Variants in LSP1 observed in about 807,000 individuals in gnomAD.
LSP1 encodes lymphocyte-specific protein 1.
LSP1 carries 32 observed loss-of-function variants against 49.3 expected under a neutral mutation model. The ratio of observed to expected loss-of-function variants is 0.65; its 90% CI spans 0.49 to 0.87. The LOEUF (loss-of-function observed/expected upper bound fraction) is 0.87, where lower values mean the gene tolerates loss of function less well. Among genes scored for constraint, LSP1 ranks in the 40% least tolerant of loss-of-function variants. The probability of loss-of-function intolerance (pLI) is 0.00; values close to 1 mark genes in which losing one functional copy is unlikely to be tolerated. For synonymous variants in LSP1, 179 were observed against 178.8 expected (o/e 1.00, Z -0.01); for missense variants, 428 against 442.6 (o/e 0.97, Z 0.30).
rs1007609338 is a variant in LSP1, at chr11:1,887,268, G to C, written c.884G>C (p.Ser295Thr). 4 of 1,595,256 alleles carry C rather than the reference G, an allele frequency of 2.5e-6. No homozygotes were observed. The highest frequency in any genetic ancestry group is 3.4e-6 in the Non-Finnish European group (4 of 1,169,882). ...DIVAGDMSKK[S>T]LWEQKGGSKT... Reference sequence around the variant, plus strand: ...GTGGCTGGAGACATGAGCAAGAAAAGCCTCTGGGAGCAGAAGGGAGGCTCC... The same window carrying C: ...GTGGCTGGAGACATGAGCAAGAAAACCCTCTGGGAGCAGAAGGGAGGCTCC... The change falls in exon 9 of 11, where the codon AGC becomes ACC. Residue 295 changes from serine to threonine, a missense_variant. By Grantham distance (58) the Ser-to-Thr change is moderately conservative. Coordinates refer to ENST00000311604, the MANE Select transcript of LSP1 (RefSeq NM_002339.3).
At chr11:1,889,320 C>G in intron 10 of LSP1, 1 of 709,048 alleles carries the variant, frequency 1.4e-6, no homozygotes, top group Non-Finnish European at 2.6e-6. Context: ...GTGCTCCCCA[C>G]CGCTGGGCCC....
At chr11:1,882,647 G>A (rs1159824287) in intron 3 of LSP1, among the ~76,000 whole-genome samples, 1 of 152,082 alleles carries the variant, frequency 6.6e-6, no homozygotes, top group Non-Finnish European at 1.5e-5. Context: ...CTTCCGTGGA[G>A]CCCAGCTCTG....
At chr11:1,878,571 T>A (rs926964353) in intron 1 of LSP1, among the ~76,000 whole-genome samples, 2 of 151,950 alleles carry the variant, frequency 1.3e-5, no homozygotes, top group African/African-American at 4.8e-5. Flanking sequence ...CTCGGGCCTG[T>A]GGAAGGGCCT....
intron 1 of LSP1, among the ~76,000 whole-genome samples, chr11:1,858,227 C>G (rs766789451): frequency 1.3e-5 from 2 of 152,140 alleles, no homozygotes; most frequent in African/African-American, 4.8e-5. Context: ...CTGTGGGGTT[C>G]GGGTGCTGAG....
chr11:1,868,157 G>A (rs959116328), intron 1 of LSP1, among the ~76,000 whole-genome samples: 2 of 152,240 alleles, frequency 1.3e-5, no homozygotes, highest in South Asian at 2.1e-4. Flanking sequence ...AACTCCAGAC[G>A]TCACCCGGAC....
intron 1 of LSP1, among the ~76,000 whole-genome samples, chr11:1,864,638 G>A (rs973573905): frequency 1.3e-5 from 2 of 152,104 alleles, no homozygotes; most frequent in Non-Finnish European, 2.9e-5. Flanking sequence ...GGAGGCGGGA[G>A]GAGAAGGGGG....
chr11:1,860,623 T>C (rs1847606213), intron 1 of LSP1, among the ~76,000 whole-genome samples: 1 of 152,194 alleles, frequency 6.6e-6, no homozygotes, highest in African/African-American at 2.4e-5. Context: ...TAACAAAGCA[T>C]GTGGTACAAA....
chr11:1,879,654 C>T (rs565023112), intron 1 of LSP1, among the ~76,000 whole-genome samples: 16 of 152,324 alleles, frequency 1.1e-4, no homozygotes, highest in South Asian at 4.1e-4. Context: ...CGGTGGGCTG[C>T]GGCCAGTCTC....
At chr11:1,861,292 C>T (rs188680880) in intron 1 of LSP1, among the ~76,000 whole-genome samples, 2 of 152,356 alleles carry the variant, frequency 1.3e-5, no homozygotes, top group African/African-American at 4.8e-5. Context: ...TATTTTCTGT[C>T]ATATTTTCCA....
chr11:1,874,450 CAG>C (rs1436087894), intron 1 of LSP1, among the ~76,000 whole-genome samples: 2 of 152,086 alleles, frequency 1.3e-5, no homozygotes, highest in African/African-American at 2.4e-5. Context: ...TGGGTGAGAA[CAG>C]AGGGTGGCTG....
chr11:1,865,347 T>TC, intron 1 of LSP1: 1 of 581,936 alleles, frequency 1.7e-6, no homozygotes, highest in Non-Finnish European at 2.2e-6. Context: ...CCACTGGGCC[T>TC]CCCCCCAGCT....
Position 1,881,495 on chromosome 11 carries a change from C to T in LSP1, c.255C>T (p.Ser85=). 5.1e-6 allele frequency: 8 copies of T among 1,575,436 alleles called. No individual in the cohort carries two copies. Among genetic ancestry groups the T allele is most frequent in the Non-Finnish European group, 6.9e-6 (8 of 1,159,826 alleles). Residue 85 remains serine (S), a synonymous_variant, in exon 3 of 11, where the codon TCC becomes TCT. Coordinates refer to ENST00000311604, the MANE Select transcript of LSP1 (RefSeq NM_002339.3). ...AGGACGAGGGCTTTGGCGACTGGTC[C>T]CAGAGGCCAGAGCAGCGGCAGCAGC... ...LDEDEGFGDW[S]QRPEQRQQHE... is the part of the protein sequence containing the mutation.
At chr11:1,861,232 C>G (rs201624899) in intron 1 of LSP1, among the ~76,000 whole-genome samples, 17 of 152,322 alleles carry the variant, frequency 1.1e-4, no homozygotes, top group Admixed American at 9.2e-4. Context: ...GGCTATCATA[C>G]GTAAAATATC....
chr11:1,877,239 T>C (rs1223704584), intron 1 of LSP1, among the ~76,000 whole-genome samples: 1 of 151,602 alleles, frequency 6.6e-6, no homozygotes. Context: ...AGCTGTGGAA[T>C]AGTGAGGGGG....
At chr11:1,854,957 G>A (rs1847451881) in intron 1 of LSP1, among the ~76,000 whole-genome samples, 3 of 152,124 alleles carry the variant, frequency 2.0e-5, no homozygotes, top group South Asian at 2.1e-4. Flanking sequence ...GGGTTGGAGC[G>A]GGCATGGCCA....
chr11:1,853,108 A>T lies in LSP1; in HGVS notation c.-37A>T. On this transcript the variant is annotated 5_prime_UTR_variant, in exon 1 of 11. Coordinates refer to ENST00000311604, the MANE Select transcript of LSP1 (RefSeq NM_002339.3). Reference sequence around the variant, plus strand: ...CACAGCACGTACACCCACTCCAGGGATCTGCCAGCACCCTGTGGGGCCCAG... The same window carrying T: ...CACAGCACGTACACCCACTCCAGGGTTCTGCCAGCACCCTGTGGGGCCCAG... The T allele has an allele frequency of 1.3e-6, 2 of 1,596,818 alleles. No individual in the cohort carries two copies. Among genetic ancestry groups the T allele is most frequent in the Non-Finnish European group, 1.7e-6 (2 of 1,172,476 alleles).
At chr11:1,872,089 G>C (rs111409316) in intron 1 of LSP1, among the ~76,000 whole-genome samples, 11 of 142,206 alleles carry the variant, frequency 7.7e-5, no homozygotes, top group African/African-American at 1.3e-4. Context: ...GGGTCTGTCT[G>C]GCTGGCGTGG....
At chr11:1,871,966 G>A (rs1445707147) in intron 1 of LSP1, among the ~76,000 whole-genome samples, 1 of 149,528 alleles carries the variant, frequency 6.7e-6, no homozygotes, top group Non-Finnish European at 1.5e-5. Flanking sequence ...AGTCACCCTG[G>A]CGCACGCTGG....
intron 1 of LSP1, among the ~76,000 whole-genome samples, chr11:1,858,702 ACT>A (rs1040062334): frequency 6.6e-6 from 1 of 151,640 alleles, no homozygotes; most frequent in African/African-American, 2.4e-5. Context: ...CCAGGGTTAG[ACT>A]CTCTACAGCC....
Sources: gnomAD v4.1 joint callset for allele counts (sites outside exome capture counted in the v4.1 genomes callset) on GRCh38, gnomAD v4.1.1 for gene constraint, MANE v1.5 for transcripts, NCBI Gene and HGNC (gene_info 2026-07-23, HGNC 2026-07-21) for gene names.